GATAD2B: variants seen among roughly 807,000 people sequenced by gnomAD.
The protein encoded by GATAD2B is GATA zinc finger domain containing 2B, also known as transcriptional repressor p66-beta.
GATAD2B carries 8 observed loss-of-function variants against 64.3 expected under a neutral mutation model. That is an observed-to-expected ratio of 0.12 (90% CI 0.07 to 0.22). The LOEUF (loss-of-function observed/expected upper bound fraction) is 0.22, where lower values mean the gene tolerates loss of function less well. Among genes scored for constraint, GATAD2B ranks in the 10% least tolerant of loss-of-function variants. GATAD2B has a pLI of 1.00. For missense variants in GATAD2B, 453 were observed against 752.0 expected, an observed-to-expected ratio of 0.60 and a Z score of 4.65; for synonymous variants, 281 against 271.3, an observed-to-expected ratio of 1.04 and a Z score of -0.35.
chr1:153,829,593 T>C (rs901266419), intron 1 of GATAD2B, among the ~76,000 whole-genome samples: 7 of 151,392 alleles, frequency 4.6e-5, no homozygotes, highest in African/African-American at 9.7e-5. Context: ...AAAACTTAGC[T>C]GGGCGTGGTG....
intron 1 of GATAD2B, among the ~76,000 whole-genome samples, chr1:153,859,432 G>A (rs1289033798): frequency 2.7e-5 from 4 of 150,908 alleles, no homozygotes; most frequent in African/African-American, 9.8e-5. Context: ...CACTTTGGGA[G>A]ACCCAGGTGG....
At chr1:153,817,085 T>A (rs75218453) in intron 6 of GATAD2B, among the ~76,000 whole-genome samples, 1,791 of 152,230 alleles carry the variant, frequency 0.012, 29 homozygotes, top group African/African-American at 0.041. Context: ...AGATTTTGCT[T>A]TCTGTCACAC....
chr1:153,841,793 G>A (rs951257784), intron 1 of GATAD2B, among the ~76,000 whole-genome samples: 3 of 152,082 alleles, frequency 2.0e-5, no homozygotes, highest in African/African-American at 7.2e-5. Context: ...CATTTATCTG[G>A]GATAAATGCC....
intron 1 of GATAD2B, among the ~76,000 whole-genome samples, chr1:153,893,956 A>G (rs1453039165): frequency 6.0e-5 from 1 of 16,586 alleles, no homozygotes; most frequent in Non-Finnish European, 3.3e-4. Flanking sequence ...GACTCCATCT[A>G]AAAAAAAAAA....
At chr1:153,901,824 A>AATAT (rs1553198691) in intron 1 of GATAD2B, among the ~76,000 whole-genome samples, 1 of 73,072 alleles carries the variant, frequency 1.4e-5, no homozygotes, top group Non-Finnish European at 3.1e-5. Context: ...ACTCTTGCTA[A>AATAT]AAATAAATAA....
intron 1 of GATAD2B, among the ~76,000 whole-genome samples, chr1:153,897,534 G>A (rs1293942420): frequency 6.6e-6 from 1 of 152,196 alleles, no homozygotes; most frequent in Non-Finnish European, 1.5e-5. Flanking sequence ...CAATGTGGGT[G>A]CAAGAGAAAG....
chr1:153,810,194 T>C lies in GATAD2B; in HGVS notation c.1765A>G (p.Ile589Val), dbSNP rs878916634. 6 of 1,610,982 alleles carry C rather than the reference T, an allele frequency of 3.7e-6. No individual in the cohort carries two copies. The Admixed American group carries it at 5.1e-5, about 14-fold the overall frequency. ...MIPPRSISQSISGQK is the reference protein window; with the variant it reads ...MIPPRSISQSVSGQK ...AACAGGCGTTATTTCTGTCCACTGA[T>C]GGACTGCGATATAGACCGGGGAGGG... The change falls in exon 11 of 11, where the codon ATC becomes GTC. Residue 589 changes from isoleucine (I) to valine (V), a missense_variant. Transcript: ENST00000368655.
intron 1 of GATAD2B, among the ~76,000 whole-genome samples, chr1:153,913,453 C>T (rs1156916831): frequency 6.6e-6 from 1 of 152,096 alleles, no homozygotes; most frequent in African/African-American, 2.4e-5. Context: ...AAATTGAAAC[C>T]TTACTCTCCT....
intron 1 of GATAD2B, among the ~76,000 whole-genome samples, chr1:153,844,656 G>GC (rs1675617931): frequency 6.7e-6 from 1 of 148,736 alleles, no homozygotes; most frequent in Non-Finnish European, 1.5e-5. Context: ...GTAAACTATC[G>GC]CAAGAACAAA....
chr1:153,843,432 C>A (rs1200404494), intron 1 of GATAD2B, among the ~76,000 whole-genome samples: 2 of 150,618 alleles, frequency 1.3e-5, no homozygotes, highest in Admixed American at 1.3e-4. Context: ...GGAGAAGCGA[C>A]ATTTACAAAA....
intron 1 of GATAD2B, among the ~76,000 whole-genome samples, chr1:153,859,074 G>A (rs368289550): frequency 1.0e-3 from 154 of 152,178 alleles, no homozygotes; most frequent in South Asian, 4.6e-3. Context: ...CCAAGACGGA[G>A]GGTGGTACTT....
At chr1:153,870,567 C>T (rs531090835) in intron 1 of GATAD2B, among the ~76,000 whole-genome samples, 22 of 151,574 alleles carry the variant, frequency 1.5e-4, no homozygotes, top group South Asian at 4.2e-4. Flanking sequence ...AGCCAGACTC[C>T]GTCTCAAAAA....
chr1:153,853,069 C>A (rs1675961442), intron 1 of GATAD2B: 1 of 1,509,740 alleles, frequency 6.6e-7, no homozygotes, highest in East Asian at 2.3e-5. Context: ...GCATCTTTTG[C>A]CCCAGTCACA....
chr1:153,836,569 A>AAAAAAAATCAGCC lies in GATAD2B; in HGVS notation c.-1-8222_-1-8221insGGCTGATTTTTTT, dbSNP rs146947256. 1.3e-4 allele frequency among the ~76,000 whole-genome samples: 19 copies of AAAAAAAATCAGCC among 147,138 alleles called. 1 individual carries two copies. Among genetic ancestry groups the AAAAAAAATCAGCC allele is most frequent in the Admixed American group, 2.0e-4 (3 of 14,638 alleles). On this transcript the variant is annotated intron_variant, in intron 1 of 10. Transcript: ENST00000368655. The stretch of plus-strand genomic sequence containing the variant: ...CCCAGCCTAAAAAAGTTAAAAAAAA[A>AAAAAAAATCAGCC]AGGCATGGTGACTGAAGTGGGAAGA...
chr1:153,859,907 C>CTTTTTTTTTT (rs34557576), intron 1 of GATAD2B, among the ~76,000 whole-genome samples: 123 of 60,892 alleles, frequency 2.0e-3, no homozygotes, highest in East Asian at 6.4e-3. Flanking sequence ...CTTTTCTTTT[C>CTTTTTTTTTT]TTTTTTTTTT....
chr1:153,891,050 G>C (rs935347297), intron 1 of GATAD2B, among the ~76,000 whole-genome samples: 16 of 151,936 alleles, frequency 1.1e-4, no homozygotes, highest in Non-Finnish European at 2.2e-4. Flanking sequence ...CAGGTGTGGT[G>C]GTGGGCACCT....
chr1:153,875,672 G>A (rs531689423), intron 1 of GATAD2B, among the ~76,000 whole-genome samples: 6 of 101,968 alleles, frequency 5.9e-5, no homozygotes, highest in East Asian at 5.6e-4. Context: ...GACCTACCAC[G>A]AGTTTGGAGG....
At chr1:153,845,591 A>C (rs980060580) in intron 1 of GATAD2B, among the ~76,000 whole-genome samples, 3 of 148,372 alleles carry the variant, frequency 2.0e-5, no homozygotes, top group African/African-American at 7.5e-5. Context: ...ATAAAATATA[A>C]AAAATTAGCC....
intron 1 of GATAD2B, among the ~76,000 whole-genome samples, chr1:153,882,214 T>C (rs1677031622): frequency 6.6e-6 from 1 of 152,146 alleles, no homozygotes; most frequent in African/African-American, 2.4e-5. Context: ...GAATGAGAGC[T>C]AGTTTCCTCT....
Sources: allele counts gnomAD v4.1 joint callset (sites outside exome capture counted in the v4.1 genomes callset), GRCh38; gene constraint gnomAD v4.1.1; transcripts MANE v1.5; gene names NCBI Gene and HGNC (gene_info 2026-07-23, HGNC 2026-07-21).